The following MPDZ variants were observed in gnomAD, a reference collection of about 807,000 sequenced individuals.
MPDZ encodes the protein multiple PDZ domain crumbs cell polarity complex component.
In MPDZ, 234 loss-of-function variants were observed where a neutral mutation model predicts 239.1. That is an observed-to-expected ratio of 0.98 (90% CI 0.88 to 1.09). The LOEUF is 1.09. MPDZ is among the 50% of genes least tolerant of loss of function. The pLI, the probability that MPDZ is intolerant of heterozygous loss-of-function variation, is 0.00. For missense variants in MPDZ, 3,175 were observed against 2,510.0 expected, an observed-to-expected ratio of 1.26 and a Z score of -5.66; for synonymous variants, 1,048 against 881.3, an observed-to-expected ratio of 1.19 and a Z score of -3.35.
intron 10 of MPDZ, among the ~76,000 whole-genome samples, chr9:13,206,866 A>G (rs1293487691): frequency 6.6e-6 from 1 of 152,024 alleles, no homozygotes; most frequent in Non-Finnish European, 1.5e-5. Context: ...ATTTGTAGAG[A>G]TGGGGTCTCC....
chr9:13,206,187 T>G (rs1196368501), intron 10 of MPDZ, 88 bp from the exon 11 acceptor site: 1 of 1,236,466 alleles, frequency 8.1e-7, no homozygotes, highest in East Asian at 2.6e-5. Flanking sequence ...TGTATAGTTG[T>G]TAGTGTGAAA....
At chr9:13,114,103 G>C (rs1480874334) in intron 40 of MPDZ, 82 bp from the exon 41 acceptor site, 1 of 1,049,410 alleles carries the variant, frequency 9.5e-7, no homozygotes, top group African/African-American at 1.6e-5. Context: ...ATTTAATCTA[G>C]AGACAGATAC....
intron 32 of MPDZ, among the ~76,000 whole-genome samples, chr9:13,131,801 G>A (rs1278336100): frequency 6.6e-6 from 1 of 152,122 alleles, no homozygotes; most frequent in Non-Finnish European, 1.5e-5. Context: ...AACTGGATTT[G>A]TCAGCCTCTT....
rs756142417 is a variant in MPDZ, at chr9:13,222,383, T to C, written c.597A>G (p.Thr199=). 1.9e-6 allele frequency: 3 copies of C among 1,612,944 alleles called. No individual in the cohort carries two copies. Among genetic ancestry groups the C allele is most frequent in the Admixed American group, 3.3e-5 (2 of 59,886 alleles). Residue 199 remains threonine (T), a synonymous_variant, in exon 6 of 47, where the codon ACA becomes ACG. Coordinates refer to ENST00000319217, the MANE Select transcript of MPDZ (RefSeq NM_001378778.1). ...TGCTGATAGCCTGCTGATGTGTAAT[T>C]GTCTGATCAAGAGCCTGTCCATTGA... ...LAINGQALDQ[T]ITHQQAISIL... is the part of the protein sequence containing the mutation.
At chr9:13,206,849 T>A (rs1957060742) in intron 10 of MPDZ, among the ~76,000 whole-genome samples, 1 of 152,028 alleles carries the variant, frequency 6.6e-6, no homozygotes, top group African/African-American at 2.4e-5. Flanking sequence ...GCCTACTTTT[T>A]AAAAAAATTT....
At chr9:13,171,938 C>G (rs1445585117) in intron 21 of MPDZ, among the ~76,000 whole-genome samples, 1 of 152,148 alleles carries the variant, frequency 6.6e-6, no homozygotes, top group Non-Finnish European at 1.5e-5. Context: ...CTAGCACAAA[C>G]CCAGCCTCTA....
chr9:13,261,489 A>C (rs540455792), intron 1 of MPDZ, among the ~76,000 whole-genome samples: 25 of 152,264 alleles, frequency 1.6e-4, no homozygotes, highest in African/African-American at 6.0e-4. Context: ...CTTGCTTACG[A>C]AATACCCTTG....
rs758901153 is a variant in MPDZ at position 13,113,987 on chromosome 9, G to A, written c.5501C>T (p.Pro1834Leu). The change falls in exon 41 of 47, where the codon CCA (proline) becomes CTA (leucine). Residue 1834 changes from proline (P) to leucine (L), a missense_variant. By Grantham distance (98) the Pro-to-Leu change is moderately conservative (BLOSUM62 -3). Transcript: ENST00000319217. Reference protein sequence around the residue: ...SEGSLSSFTFPLSGSSTSESL... With the variant: ...SEGSLSSFTFLLSGSSTSESL... ...CTCAGATGTACTGGATCCAGAGAGT[G>A]GAAAAGTGAAAGATGACAGGCTGCC... The A allele has an allele frequency of 2.5e-6, 4 of 1,598,298 alleles. No homozygotes were observed. Among genetic ancestry groups the A allele is most frequent in the African/African-American group, 2.7e-5 (2 of 74,746 alleles).
chr9:13,183,572 T>A lies in MPDZ; in HGVS notation c.2495A>T (p.Asp832Val). 3 of 1,612,292 alleles carry A rather than the reference T, an allele frequency of 1.9e-6. No homozygotes were observed. The highest frequency in any genetic ancestry group is 2.5e-6 in the Non-Finnish European group (3 of 1,178,924). The change falls in exon 19 of 47, where the codon GAT (aspartate) becomes GTT (valine). Residue 832 changes from aspartate to valine, a missense_variant. By Grantham distance (152) the Asp-to-Val change is radical (BLOSUM62 -3). Coordinates refer to ENST00000319217, the MANE Select transcript of MPDZ (RefSeq NM_001378778.1). ...TGTGGATTCATCTACTAAGTCAGCA[T>A]CATTTGTGCCCACCTAGAAACAAAA... ...RADLALVGTN[D>V]ADLVDESTFE...
chr9:13,259,449 A>G (rs1469207831), intron 1 of MPDZ, among the ~76,000 whole-genome samples: 1 of 152,180 alleles, frequency 6.6e-6, no homozygotes, highest in Admixed American at 6.5e-5. Context: ...CATGACTAGC[A>G]TGTTGTCTAG....
chr9:13,107,447 A>C (rs1941665416), intron 46 of MPDZ, among the ~76,000 whole-genome samples: 1 of 152,192 alleles, frequency 6.6e-6, no homozygotes, highest in African/African-American at 2.4e-5. Context: ...GATTCAATAG[A>C]ATCCAGGATT....
rs1024901982 is a variant in MPDZ, at chr9:13,193,159, C to T, written c.1803+8G>A. The T allele has an allele frequency of 1.3e-6, 2 of 1,558,458 alleles. No individual in the cohort carries two copies. The highest frequency in any genetic ancestry group is 8.7e-7 in the Non-Finnish European group (1 of 1,146,848). ...TTAAGGAGGAGAAGGAACAGCATAGCTCCTTACTTCCAATAGCTCGTCTCC... is the reference window on the plus strand; with the variant it reads ...TTAAGGAGGAGAAGGAACAGCATAGTTCCTTACTTCCAATAGCTCGTCTCC... On this transcript the variant is annotated splice_region_variant and intron_variant, in intron 14 of 46. Coordinates refer to ENST00000319217, the MANE Select transcript of MPDZ (RefSeq NM_001378778.1).
At chr9:13,130,428 G>A (rs1008275797) in intron 32 of MPDZ, among the ~76,000 whole-genome samples, 3 of 129,764 alleles carry the variant, frequency 2.3e-5, no homozygotes, top group Admixed American at 8.5e-5. Flanking sequence ...GCACATAACC[G>A]TTCATTCACT....
intron 41 of MPDZ, among the ~76,000 whole-genome samples, chr9:13,113,271 T>C (rs559001342): frequency 2.0e-4 from 30 of 152,256 alleles, no homozygotes; most frequent in African/African-American, 5.8e-4. Context: ...TTCTTCCTTC[T>C]CATTTTAAGT....
At chr9:13,165,283 G>A in intron 22 of MPDZ, 3 of 1,330,696 alleles carry the variant, frequency 2.3e-6, no homozygotes, top group Admixed American at 4.3e-5. Context: ...TTCTTGCATT[G>A]GGACATTACA....
At chr9:13,112,276 GAA>G in intron 42 of MPDZ, 130 bp from the exon 43 acceptor site, 2 of 902,322 alleles carry the variant, frequency 2.2e-6, no homozygotes. Context: ...AGAAGTGCAA[GAA>G]AACTGCATTA....
At chr9:13,258,416 G>C (rs1029054115) in intron 1 of MPDZ, among the ~76,000 whole-genome samples, 3 of 152,216 alleles carry the variant, frequency 2.0e-5, no homozygotes, top group Non-Finnish European at 4.4e-5. Flanking sequence ...CTTGCAGCTT[G>C]TCAGAGTTGC....
chr9:13,249,335 T>C (rs958185756), intron 2 of MPDZ, among the ~76,000 whole-genome samples: 5 of 152,142 alleles, frequency 3.3e-5, no homozygotes, highest in African/African-American at 1.2e-4. Flanking sequence ...GTTTAAATAA[T>C]TCTATATTTG....
chr9:13,224,049 G>T (rs1413641629), intron 4 of MPDZ, among the ~76,000 whole-genome samples: 1 of 151,258 alleles, frequency 6.6e-6, no homozygotes, highest in African/African-American at 2.4e-5. Context: ...AAACTTAAAA[G>T]CCAATTACTG....
Sources: allele counts gnomAD v4.1 joint callset (sites outside exome capture counted in the v4.1 genomes callset), GRCh38; gene constraint gnomAD v4.1.1; transcripts MANE v1.5; gene names NCBI Gene and HGNC (gene_info 2026-07-23, HGNC 2026-07-21).